The following CPE variants were observed in gnomAD, a reference collection of about 807,000 sequenced individuals.
CPE encodes the protein carbocypeptidase E.
Under a neutral mutation model 53.5 loss-of-function variants are expected in CPE, and 17 were observed. The ratio of observed to expected loss-of-function variants is 0.32; its 90% CI spans 0.22 to 0.48. The LOEUF (loss-of-function observed/expected upper bound fraction) is 0.48. Among genes scored for constraint, CPE ranks in the 20% least tolerant of loss-of-function variants. The pLI is 0.99. For synonymous variants in CPE, 226 were observed against 228.8 expected (o/e 0.99, Z 0.11); for missense variants, 524 against 614.7 (o/e 0.85, Z 1.56).
At chr4:165,382,325 T>C (rs1298903718) in intron 1 of CPE, among the ~76,000 whole-genome samples, 1 of 152,256 alleles carries the variant, frequency 6.6e-6, no homozygotes. Context: ...ATATCTGTCT[T>C]CACTAGGACC....
intron 1 of CPE, among the ~76,000 whole-genome samples, chr4:165,396,107 C>T (rs1579241789): frequency 1.3e-5 from 2 of 152,242 alleles, no homozygotes; most frequent in East Asian, 3.9e-4. Context: ...GGCAAAGTTT[C>T]CATTTAAAAA....
intron 1 of CPE, among the ~76,000 whole-genome samples, chr4:165,385,824 G>T (rs1730582853): frequency 1.3e-5 from 2 of 152,096 alleles, no homozygotes; most frequent in Non-Finnish European, 2.9e-5. Context: ...ATTTTCATTG[G>T]CAATCTGACT....
At chr4:165,442,656 T>G (rs1053473672) in intron 1 of CPE, among the ~76,000 whole-genome samples, 2 of 152,178 alleles carry the variant, frequency 1.3e-5, no homozygotes, top group Non-Finnish European at 2.9e-5. Flanking sequence ...CTAGCCACAT[T>G]TCAAGTGCTC....
chr4:165,404,261 T>G (rs1162063344), intron 1 of CPE: 2 of 767,334 alleles, frequency 2.6e-6, no homozygotes. Context: ...AATGTCTCCC[T>G]CTGCAGGTGT....
At position 165,379,609 on chromosome 4, in the gene CPE, G is replaced by A; in HGVS notation, c.307+81G>A. ...GGTGGGACTGGTGGCGGTGGGGGAA[G>A]GAGGGAGGGATGGGCCCAGGGGTGC... On this transcript the variant is annotated intron_variant, in intron 1 of 8. Coordinates refer to ENST00000402744, the MANE Select transcript of CPE (RefSeq NM_001873.4). This position sits in a 1 kb window ranked among gnomAD's most constrained non-coding sequence, Gnocchi z 6.0. 3 of 1,199,536 alleles carry A rather than the reference G, an allele frequency of 2.5e-6. No individual in the cohort carries two copies. Among genetic ancestry groups the A allele is most frequent in the Non-Finnish European group, 2.2e-6 (2 of 893,520 alleles). The allele number at this position is 1,199,536 out of a possible 1,614,324, so 74.3% of individuals were successfully genotyped here. A position where few individuals can be genotyped will look rare whatever the true frequency, so the allele number is the denominator to read the frequency against.
intron 3 of CPE, 68 bp downstream of exon 3, chr4:165,467,923 T>G: frequency 6.5e-7 from 1 of 1,531,696 alleles, no homozygotes; most frequent in Non-Finnish European, 8.9e-7. Context: ...AATATCTTCA[T>G]CATCATGAAG....
intron 3 of CPE, among the ~76,000 whole-genome samples, 189 bp downstream of exon 3, chr4:165,468,044 G>A (rs1732139925): frequency 6.6e-6 from 1 of 152,148 alleles, no homozygotes; most frequent in Admixed American, 6.5e-5. Flanking sequence ...TTGGGCCGTA[G>A]GTGGAGAGGA....
chr4:165,484,444 C>T lies in CPE; in HGVS notation c.813C>T (p.Ser271=). The change falls in exon 5 of 9, where the codon TCC becomes TCT. Residue 271 remains serine (S), a synonymous_variant. Coordinates refer to ENST00000402744, the MANE Select transcript of CPE (RefSeq NM_001873.4). ...TAGGTAGTGCTCACGAATACAGCTCCTCCCCAGATGACGCCATTTTCCAAA... is the reference window on the plus strand; with the variant it reads ...TAGGTAGTGCTCACGAATACAGCTCTTCCCCAGATGACGCCATTTTCCAAA... The part of the protein sequence containing the change: ...TRSGSAHEYS[S]SPDDAIFQSL... The T allele has an allele frequency of 1.9e-6, 3 of 1,613,968 alleles. No individual in the cohort carries two copies. The highest frequency in any genetic ancestry group is 2.5e-6 in the Non-Finnish European group (3 of 1,179,934).
chr4:165,459,405 G>A (rs948394531), intron 1 of CPE, among the ~76,000 whole-genome samples: 2 of 152,172 alleles, frequency 1.3e-5, no homozygotes, highest in African/African-American at 4.8e-5. Flanking sequence ...GGCTGGATTT[G>A]GTTTGTGAGA....
intron 1 of CPE, among the ~76,000 whole-genome samples, chr4:165,462,090 G>A (rs1156237026): frequency 6.6e-6 from 1 of 152,156 alleles, no homozygotes; most frequent in African/African-American, 2.4e-5. Context: ...GATTTTTCCT[G>A]AGAGAAATCT....
chr4:165,393,177 A>G (rs914778385), intron 1 of CPE, among the ~76,000 whole-genome samples: 1 of 152,140 alleles, frequency 6.6e-6, no homozygotes, highest in Non-Finnish European at 1.5e-5. Flanking sequence ...AATAAGAACA[A>G]GAACAAAAAA....
intron 1 of CPE, among the ~76,000 whole-genome samples, chr4:165,453,696 T>C (rs1731852563): frequency 6.6e-6 from 1 of 152,134 alleles, no homozygotes; most frequent in South Asian, 2.1e-4. Context: ...CAATTTTCTT[T>C]ACAAACTTTG....
chr4:165,437,955 T>G (rs1731540474), intron 1 of CPE, among the ~76,000 whole-genome samples: 1 of 152,110 alleles, frequency 6.6e-6, no homozygotes, highest in Non-Finnish European at 1.5e-5. Flanking sequence ...AATCAGAAAG[T>G]GTCTGGAGGG....
At chr4:165,406,335 C>T (rs2053276) in intron 1 of CPE, 58 of 540,850 alleles carry the variant, frequency 1.1e-4, no homozygotes, top group Admixed American at 9.5e-4. Context: ...GCCAATCGCC[C>T]GGTAGACCAC....
chr4:165,407,010 C>T (rs1157566551), intron 1 of CPE, among the ~76,000 whole-genome samples: 1 of 152,170 alleles, frequency 6.6e-6, no homozygotes, highest in Non-Finnish European at 1.5e-5. Flanking sequence ...TGGGTTGTTT[C>T]AATTTTTTGT....
chr4:165,497,378 A>C, intron 8 of CPE, 134 bp from the exon 9 acceptor site: 2 of 435,248 alleles, frequency 4.6e-6, no homozygotes, highest in Non-Finnish European at 7.9e-6. Flanking sequence ...TTATTGCAAG[A>C]GATTTTATTT....
chr4:165,404,350 TGAG>T (rs1396658782), intron 1 of CPE: 10 of 771,194 alleles, frequency 1.3e-5, no homozygotes, highest in Non-Finnish European at 2.2e-5. Context: ...TGTCTTCATC[TGAG>T]GAGACTTCAG....
At chr4:165,405,229 T>C (rs570800458) in intron 1 of CPE, 270 of 814,706 alleles carry the variant, frequency 3.3e-4, no homozygotes, top group Admixed American at 5.1e-4. Context: ...CCACGGAGAC[T>C]TGGGCAATGC....
chr4:165,443,889 GC>G (rs1731658003), intron 1 of CPE, among the ~76,000 whole-genome samples: 2 of 152,120 alleles, frequency 1.3e-5, no homozygotes, highest in Admixed American at 1.3e-4. Flanking sequence ...TGGGATTAGT[GC>G]CCTTACAATG....
Sources: gnomAD v4.1 joint callset for allele counts (sites outside exome capture counted in the v4.1 genomes callset) on GRCh38, gnomAD v4.1.1 for gene constraint, Gnocchi (gnomAD v3.1) non-coding constraint, MANE v1.5 for transcripts, NCBI Gene and HGNC (gene_info 2026-07-23, HGNC 2026-07-21) for gene names.